Variants in DLGAP2 observed in about 807,000 individuals in gnomAD.
DLGAP2 encodes disks large-associated protein 2.
A neutral mutation model predicts 100.3 loss-of-function variants in DLGAP2; 26 were observed. The ratio of observed to expected loss-of-function variants is 0.26; its 90% CI spans 0.19 to 0.36. The LOEUF is 0.36. Among genes scored for constraint, DLGAP2 ranks in the 10% least tolerant of loss-of-function variants. DLGAP2 has a pLI of 1.00. For synonymous variants in DLGAP2, 886 were observed against 630.1 expected (o/e 1.41, Z -6.08); for missense variants, 1,858 against 1,453.2 (o/e 1.28, Z -4.53).
intron 3 of DLGAP2, among the ~76,000 whole-genome samples, chr8:1,451,214 A>G (rs923619822): frequency 2.4e-4 from 36 of 152,114 alleles, no homozygotes; most frequent in African/African-American, 7.2e-4. Flanking sequence ...TCCTCCTTCT[A>G]CACCTGAAGA....
At chr8:1,229,004 C>T (rs60228867) in intron 2 of DLGAP2, among the ~76,000 whole-genome samples, 8 of 152,038 alleles carry the variant, frequency 5.3e-5, no homozygotes, top group Non-Finnish European at 1.0e-4. Flanking sequence ...TTGCAAGTAA[C>T]ATAAAGTTGT....
intron 2 of DLGAP2, among the ~76,000 whole-genome samples, chr8:1,115,029 C>T (rs989368848): frequency 6.6e-6 from 1 of 152,152 alleles, no homozygotes; most frequent in Non-Finnish European, 1.5e-5. Flanking sequence ...GTCTTAACTT[C>T]TACTTTTATT....
intron 12 of DLGAP2, among the ~76,000 whole-genome samples, chr8:1,689,234 G>C (rs903414747): frequency 1.1e-4 from 16 of 152,150 alleles, no homozygotes; most frequent in Admixed American, 8.5e-4. Context: ...CCTAAACGTA[G>C]AAAGAAACGG....
At chr8:792,694 A>G (rs1374584345) in intron 1 of DLGAP2, among the ~76,000 whole-genome samples, 1 of 152,238 alleles carries the variant, frequency 6.6e-6, no homozygotes. Context: ...AAAAATAGGA[A>G]TGGTGTTAGG....
chr8:1,560,568 G>T (rs918063873), intron 5 of DLGAP2, among the ~76,000 whole-genome samples: 2 of 152,158 alleles, frequency 1.3e-5, no homozygotes, highest in Non-Finnish European at 2.9e-5. Flanking sequence ...TGGAAGGAAA[G>T]TTGCCCACTC....
At position 1,169,376 on chromosome 8, in the gene DLGAP2, G is replaced by A. The variant is rs867083659; in HGVS notation, c.74-89475G>A. On this transcript the variant is annotated intron_variant, in intron 2 of 14. Coordinates refer to ENST00000637795, the MANE Select transcript of DLGAP2 (RefSeq NM_001346810.2). ...ACTTGGCGATGCGGGCTCTTTCTTG[G>A]TTCCATATGAACTTTAAAGTAGTTT... Among the ~76,000 whole-genome samples, 9 of 152,166 alleles carry A rather than the reference G, an allele frequency of 5.9e-5. No individual in the cohort carries two copies. The South Asian group carries it at 8.3e-4, about 14-fold the overall frequency.
At chr8:1,084,605 C>T (rs1308231746) in intron 2 of DLGAP2, among the ~76,000 whole-genome samples, 2 of 152,178 alleles carry the variant, frequency 1.3e-5, no homozygotes, top group Non-Finnish European at 2.9e-5. Context: ...TTAGGCTCCA[C>T]GTTTAAGTGA....
At chr8:938,512 A>C (rs531174879) in intron 2 of DLGAP2, among the ~76,000 whole-genome samples, 1 of 152,294 alleles carries the variant, frequency 6.6e-6, no homozygotes, top group Admixed American at 6.5e-5. Flanking sequence ...GTTTGTGTGG[A>C]GCACACGGTG....
intron 8 of DLGAP2, among the ~76,000 whole-genome samples, chr8:1,637,419 G>T (rs1022269094): frequency 6.6e-6 from 1 of 151,874 alleles, no homozygotes; most frequent in Non-Finnish European, 1.5e-5. Context: ...ACTGTTGCGC[G>T]GGGCTCTCAG....
rs146005325 is a variant in DLGAP2, at chr8:1,079,188, A to G, written c.73+171222A>G. On this transcript the variant is annotated intron_variant, in intron 2 of 14. Coordinates refer to ENST00000637795, the MANE Select transcript of DLGAP2 (RefSeq NM_001346810.2). Reference sequence around the variant, plus strand: ...TCTTTTCAGATGTTTGTTGCCCTCTACATATGTTCCTTGGTGAGGTGTCTC... The same window carrying G: ...TCTTTTCAGATGTTTGTTGCCCTCTGCATATGTTCCTTGGTGAGGTGTCTC... Among the ~76,000 whole-genome samples the G allele has an allele frequency of 5.8e-4, 88 of 152,252 alleles. 1 individual carries two copies. The highest frequency in any genetic ancestry group is 3.4e-3 in the Middle Eastern group (1 of 294).
At chr8:839,564 C>T (rs1796943303) in intron 1 of DLGAP2, among the ~76,000 whole-genome samples, 2 of 152,112 alleles carry the variant, frequency 1.3e-5, no homozygotes, top group African/African-American at 4.8e-5. Flanking sequence ...GTTCCCAGGC[C>T]TGGTCTTAGG....
At chr8:782,098 A>G (rs1054129069) in intron 1 of DLGAP2, among the ~76,000 whole-genome samples, 2 of 152,194 alleles carry the variant, frequency 1.3e-5, no homozygotes, top group African/African-American at 4.8e-5. Flanking sequence ...GCATAAAGAA[A>G]AGATGAATGA....
intron 3 of DLGAP2, among the ~76,000 whole-genome samples, chr8:1,412,008 C>T (rs567345842): frequency 7.2e-4 from 110 of 152,324 alleles, no homozygotes; most frequent in Non-Finnish European, 1.4e-3. Flanking sequence ...ACACAGATGC[C>T]ATGGGCAGGT....
intron 2 of DLGAP2, among the ~76,000 whole-genome samples, chr8:943,263 C>T (rs1037999640): frequency 1.2e-4 from 19 of 152,086 alleles, no homozygotes; most frequent in Admixed American, 8.5e-4. Context: ...CATTCTCAGG[C>T]TTGCTGCTTG....
At chr8:1,443,051 T>G (rs1055201361) in intron 3 of DLGAP2, among the ~76,000 whole-genome samples, 2 of 152,250 alleles carry the variant, frequency 1.3e-5, no homozygotes, top group Non-Finnish European at 2.9e-5. Context: ...CATTTCTCTT[T>G]GTTAGACAAC....
intron 2 of DLGAP2, among the ~76,000 whole-genome samples, chr8:959,140 G>T (rs1302048525): frequency 6.6e-6 from 1 of 152,120 alleles, no homozygotes; most frequent in Non-Finnish European, 1.5e-5. Context: ...ATTGTGTCAG[G>T]GTAGTTGGAT....
intron 8 of DLGAP2, among the ~76,000 whole-genome samples, chr8:1,640,201 C>A (rs1196257377): frequency 2.0e-5 from 3 of 152,146 alleles, no homozygotes; most frequent in African/African-American, 7.2e-5. Context: ...GTCGTAAATC[C>A]AGGTTGATCC....
At chr8:1,265,506 A>T (rs532263131) in intron 3 of DLGAP2, among the ~76,000 whole-genome samples, 4 of 152,202 alleles carry the variant, frequency 2.6e-5, no homozygotes, top group African/African-American at 9.6e-5. Flanking sequence ...ATGAGAAATT[A>T]AAAAAGAATG....
intron 8 of DLGAP2, among the ~76,000 whole-genome samples, chr8:1,660,804 A>C (rs949604727): frequency 1.3e-5 from 2 of 152,224 alleles, no homozygotes; most frequent in African/African-American, 4.8e-5. Context: ...TCAGATGATC[A>C]ATCAAAACTT....
Sources: allele counts gnomAD v4.1 joint callset (sites outside exome capture counted in the v4.1 genomes callset), GRCh38; gene constraint gnomAD v4.1.1; transcripts MANE v1.5; gene names NCBI Gene and HGNC (gene_info 2026-07-23, HGNC 2026-07-21).